Variants in RSRC1 observed in about 807,000 individuals in gnomAD.
The protein encoded by RSRC1 is serine/Arginine-related protein 53.
Under a neutral mutation model 49.1 loss-of-function variants are expected in RSRC1, and 39 were observed. That is an observed-to-expected ratio of 0.79 (90% CI 0.61 to 1.04). The LOEUF is 1.04. RSRC1 is among the 50% of genes least tolerant of loss of function. The pLI, the probability that RSRC1 is intolerant of heterozygous loss-of-function variation, is 0.00. For synonymous variants in RSRC1, 143 were observed against 130.8 expected, an observed-to-expected ratio of 1.09 and a Z score of -0.63; for missense variants, 388 against 402.4, an observed-to-expected ratio of 0.96 and a Z score of 0.31.
chr3:158,258,580 G>A (rs1290830977), intron 4 of RSRC1, among the ~76,000 whole-genome samples: 7 of 151,994 alleles, frequency 4.6e-5, no homozygotes, highest in African/African-American at 1.7e-4. Context: ...GAATACTGGT[G>A]TCTTTCTCTA....
chr3:158,258,922 A>C (rs1724730580), intron 4 of RSRC1, among the ~76,000 whole-genome samples: 1 of 152,090 alleles, frequency 6.6e-6, no homozygotes. Flanking sequence ...TCTTTTTATT[A>C]AATTTAGCTG....
At chr3:158,173,146 A>G (rs545625886) in intron 3 of RSRC1, among the ~76,000 whole-genome samples, 2 of 152,028 alleles carry the variant, frequency 1.3e-5, no homozygotes, top group Non-Finnish European at 2.9e-5. Flanking sequence ...TATAGAGAAT[A>G]TAAGACGAGT....
At chr3:158,357,007 T>C (rs1287381826) in intron 6 of RSRC1, among the ~76,000 whole-genome samples, 2 of 152,160 alleles carry the variant, frequency 1.3e-5, no homozygotes, top group Non-Finnish European at 2.9e-5. Flanking sequence ...TTCTGTGAAT[T>C]TGAGAAGCAT....
intron 1 of RSRC1, among the ~76,000 whole-genome samples, chr3:158,121,774 G>T (rs1715276230): frequency 1.3e-5 from 2 of 152,278 alleles, no homozygotes; most frequent in South Asian, 4.1e-4. Flanking sequence ...TCTCAGTCTT[G>T]TCAAGAAGCC....
At chr3:158,222,443 A>AG (rs1722274377) in intron 4 of RSRC1, among the ~76,000 whole-genome samples, 1 of 151,534 alleles carries the variant, frequency 6.6e-6, no homozygotes, top group South Asian at 2.1e-4. Context: ...GGTAGTGTGT[A>AG]TATTAGCCCA....
At chr3:158,192,410 G>A (rs1368635902) in intron 3 of RSRC1, among the ~76,000 whole-genome samples, 1 of 152,082 alleles carries the variant, frequency 6.6e-6, no homozygotes, top group Non-Finnish European at 1.5e-5. Context: ...GAAAATGGCA[G>A]GCATATGTTT....
intron 3 of RSRC1, among the ~76,000 whole-genome samples, chr3:158,194,863 A>G (rs1359028175): frequency 1.3e-5 from 2 of 152,214 alleles, no homozygotes; most frequent in South Asian, 4.1e-4. Context: ...TCCATGGTGT[A>G]TATGTGCCAC....
At chr3:158,265,972 A>C (rs1344820983) in intron 4 of RSRC1, among the ~76,000 whole-genome samples, 2 of 152,116 alleles carry the variant, frequency 1.3e-5, no homozygotes, top group Non-Finnish European at 2.9e-5. Context: ...ATTCCCACTG[A>C]AGCCTTGATA....
At chr3:158,364,421 C>A (rs1731645734) in intron 6 of RSRC1, among the ~76,000 whole-genome samples, 1 of 152,092 alleles carries the variant, frequency 6.6e-6, no homozygotes, top group African/African-American at 2.4e-5. Context: ...TTACAGACTT[C>A]TTTTTTCCCC....
intron 6 of RSRC1, among the ~76,000 whole-genome samples, chr3:158,425,700 A>G (rs1735386618): frequency 6.6e-6 from 1 of 151,934 alleles, no homozygotes; most frequent in African/African-American, 2.4e-5. Context: ...GTCTCCCATT[A>G]TTAATGTGTG....
chr3:158,534,701 C>T (rs1712619023), intron 7 of RSRC1, among the ~76,000 whole-genome samples: 1 of 151,562 alleles, frequency 6.6e-6, no homozygotes, highest in Non-Finnish European at 1.5e-5. Flanking sequence ...CTAGAAACAA[C>T]TAACCATCCA....
At chr3:158,350,353 T>G (rs1031826177) in intron 5 of RSRC1, among the ~76,000 whole-genome samples, 5 of 151,820 alleles carry the variant, frequency 3.3e-5, no homozygotes, top group African/African-American at 1.2e-4. Context: ...TTTGTGTTTT[T>G]GGTAGAGATG....
chr3:158,275,924 G>A (rs1725784048), intron 4 of RSRC1: 1 of 709,066 alleles, frequency 1.4e-6, no homozygotes, highest in African/African-American at 1.8e-5. Flanking sequence ...CTTTTGGCCT[G>A]CAGATGTGAG....
At chr3:158,332,434 T>TAAC (rs34819015) in intron 5 of RSRC1, among the ~76,000 whole-genome samples, 79,614 of 151,726 alleles carry the variant, frequency 0.52, 21,316 homozygotes, top group African/African-American at 0.62. Context: ...TTTCACCTCT[T>TAAC]AAAATAAATC....
chr3:158,258,669 C>T (rs550164395), intron 4 of RSRC1, among the ~76,000 whole-genome samples: 2 of 152,162 alleles, frequency 1.3e-5, no homozygotes, highest in African/African-American at 4.8e-5. Context: ...TCTTTAAGGC[C>T]AATAACGCTT....
intron 1 of RSRC1, among the ~76,000 whole-genome samples, chr3:158,119,727 T>TGC (rs1275064679): frequency 6.6e-5 from 10 of 151,914 alleles, no homozygotes; most frequent in Non-Finnish European, 1.5e-4. Context: ...TGAATTTATA[T>TGC]GTATGTACAG....
intron 7 of RSRC1, among the ~76,000 whole-genome samples, chr3:158,509,097 A>G (rs12634907): frequency 0.29 from 43,574 of 152,092 alleles, 6,744 homozygotes; most frequent in South Asian, 0.41. Context: ...AAGATTTACT[A>G]CTGTCATTTC....
At chr3:158,130,475 G>A (rs547980277) in intron 3 of RSRC1, among the ~76,000 whole-genome samples, 223 of 152,276 alleles carry the variant, frequency 1.5e-3, no homozygotes, top group Non-Finnish European at 8.5e-4. Context: ...GGGACCTAAA[G>A]TGTTTTGGAT....
intron 3 of RSRC1, among the ~76,000 whole-genome samples, chr3:158,132,445 AT>A (rs1434050302): frequency 6.6e-6 from 1 of 152,196 alleles, no homozygotes; most frequent in East Asian, 1.9e-4. Context: ...GTCTGATGAT[AT>A]TTTTCTGGTA....
Sources: gnomAD v4.1 joint callset for allele counts (sites outside exome capture counted in the v4.1 genomes callset) on GRCh38, gnomAD v4.1.1 for gene constraint, MANE v1.5 for transcripts, NCBI Gene and HGNC (gene_info 2026-07-23, HGNC 2026-07-21) for gene names.